GADL1: variants seen among roughly 807,000 people sequenced by gnomAD.
GADL1 encodes GAD like acidic amino acid decarboxylase 1.
A neutral mutation model predicts 69.5 loss-of-function variants in GADL1; 71 were observed. The ratio of observed to expected loss-of-function variants is 1.02; its 90% CI spans 0.84 to 1.25. The LOEUF is 1.25. Ranked by LOEUF, GADL1 falls within the 50% of genes most tolerant of loss-of-function variation. The pLI is 0.00. For missense variants in GADL1, 737 were observed against 631.8 expected, an observed-to-expected ratio of 1.17 and a Z score of -1.79; for synonymous variants, 254 against 214.4, an observed-to-expected ratio of 1.18 and a Z score of -1.62.
At chr3:30,856,830 A>G (rs1362053501) in intron 3 of GADL1, among the ~76,000 whole-genome samples, 185 bp downstream of exon 3, 2 of 152,006 alleles carry the variant, frequency 1.3e-5, no homozygotes, top group Non-Finnish European at 2.9e-5. Flanking sequence ...CTGTCAACTT[A>G]TCTTTGGCCT....
intron 9 of GADL1, among the ~76,000 whole-genome samples, chr3:30,837,375 G>T (rs7626348): frequency 2.0e-5 from 3 of 151,846 alleles, no homozygotes; most frequent in African/African-American, 7.3e-5. Flanking sequence ...AGCCAGATAG[G>T]CTTGTGTCAA....
intron 13 of GADL1, among the ~76,000 whole-genome samples, chr3:30,784,530 A>G (rs1356904171): frequency 6.6e-6 from 1 of 152,192 alleles, no homozygotes; most frequent in Non-Finnish European, 1.5e-5. Context: ...GGAAGCTTAG[A>G]ACTTTCTAGT....
intron 14 of GADL1, among the ~76,000 whole-genome samples, chr3:30,767,484 A>C (rs1696309283): frequency 6.6e-6 from 1 of 152,144 alleles, no homozygotes; most frequent in African/African-American, 2.4e-5. Flanking sequence ...ATAAGACCCC[A>C]TAATAAAGTG....
chr3:30,860,564 A>G (rs1326206749), intron 2 of GADL1, among the ~76,000 whole-genome samples: 2 of 152,008 alleles, frequency 1.3e-5, no homozygotes, highest in Non-Finnish European at 2.9e-5. Context: ...TTCCAAATTC[A>G]TGCATCAATC....
chr3:30,856,184 C>A (rs901184946), intron 3 of GADL1, among the ~76,000 whole-genome samples: 6 of 151,998 alleles, frequency 3.9e-5, no homozygotes, highest in African/African-American at 1.4e-4. Context: ...TTATTTTTAG[C>A]CAGAATTTTA....
At chr3:30,794,801 C>G (rs1395092142) in intron 12 of GADL1, among the ~76,000 whole-genome samples, 1 of 152,168 alleles carries the variant, frequency 6.6e-6, no homozygotes, top group Non-Finnish European at 1.5e-5. Context: ...AGAGGGCTAT[C>G]TGATCGGTGC....
intron 11 of GADL1, among the ~76,000 whole-genome samples, chr3:30,803,707 GGGA>G (rs1266203192): frequency 6.6e-6 from 1 of 152,130 alleles, no homozygotes; most frequent in Admixed American, 6.5e-5. Flanking sequence ...CTGGAGGCTT[GGGA>G]TTTACTTTAT....
intron 14 of GADL1, among the ~76,000 whole-genome samples, chr3:30,754,383 C>A (rs1028652394): frequency 7.9e-5 from 12 of 152,022 alleles, no homozygotes; most frequent in African/African-American, 2.7e-4. Context: ...TATGTTGGGG[C>A]TACATTCTGA....
intron 13 of GADL1, among the ~76,000 whole-genome samples, chr3:30,785,233 A>AT: frequency 6.6e-6 from 1 of 151,934 alleles, no homozygotes; most frequent in South Asian, 2.1e-4. Flanking sequence ...AATTTGCTTA[A>AT]TTAGTGCCTT....
intron 1 of GADL1, among the ~76,000 whole-genome samples, chr3:30,874,598 C>T (rs1391784820): frequency 6.6e-6 from 1 of 151,930 alleles, no homozygotes; most frequent in African/African-American, 2.4e-5. Flanking sequence ...TGCTTGAAGC[C>T]TGTGTAACCC....
At chr3:30,850,998 G>T (rs1698138147) in intron 4 of GADL1, 57 bp from the exon 5 acceptor site, 1 of 1,044,344 alleles carries the variant, frequency 9.6e-7, no homozygotes, top group Non-Finnish European at 1.4e-6. Flanking sequence ...CATTCCTTTG[G>T]TGTCCCAAGA....
Position 30,864,623 on chromosome 3 carries a change from C to G in GADL1, c.38-2858G>C, listed in dbSNP as rs143687813. 2.5e-4 allele frequency among the ~76,000 whole-genome samples: 38 copies of G among 152,008 alleles called. No individual in the cohort carries two copies. In the East Asian group the frequency reaches 7.2e-3, roughly 29 times the overall value. ...ATGTGATAATGTGCCTCTTTCTCCCCCAGCATTTGTCCAGGTCAGAAAAGG... is the reference window on the plus strand; with the variant it reads ...ATGTGATAATGTGCCTCTTTCTCCCGCAGCATTTGTCCAGGTCAGAAAAGG... On this transcript the variant is annotated intron_variant, in intron 1 of 14. Transcript: ENST00000282538.
At chr3:30,811,826 G>T (rs1002661532) in intron 11 of GADL1, among the ~76,000 whole-genome samples, 1 of 152,066 alleles carries the variant, frequency 6.6e-6, no homozygotes, top group African/African-American at 2.4e-5. Flanking sequence ...AAATAACATT[G>T]CAGGGTTCCT....
intron 1 of GADL1, among the ~76,000 whole-genome samples, chr3:30,892,247 A>G (rs1045935124): frequency 4.6e-5 from 7 of 152,234 alleles, no homozygotes; most frequent in African/African-American, 1.2e-4. Flanking sequence ...AGGATTCCCT[A>G]TGGTATTCTT....
chr3:30,858,774 T>C (rs185634586), intron 2 of GADL1, among the ~76,000 whole-genome samples: 1 of 151,938 alleles, frequency 6.6e-6, no homozygotes, highest in African/African-American at 2.4e-5. Flanking sequence ...ACTATGATAA[T>C]GTAACAGTAG....
intron 8 of GADL1, among the ~76,000 whole-genome samples, chr3:30,843,704 A>G (rs1028506603): frequency 6.6e-6 from 1 of 152,208 alleles, no homozygotes; most frequent in African/African-American, 2.4e-5. Context: ...TCACTGAACT[A>G]CTAGATACAG....
intron 5 of GADL1, 36 bp from the exon 6 acceptor site, chr3:30,850,147 A>G (rs765501232): frequency 1.5e-4 from 173 of 1,152,482 alleles, no homozygotes; most frequent in Admixed American, 4.2e-4. Context: ...TATTTATAGC[A>G]TGAAGTTATA....
At chr3:30,764,776 G>A (rs767505967) in intron 14 of GADL1, among the ~76,000 whole-genome samples, 7 of 152,098 alleles carry the variant, frequency 4.6e-5, no homozygotes, top group Middle Eastern at 3.2e-3. Context: ...CTTCAGTGTC[G>A]GCTCACCCCA....
chr3:30,844,983 A>T (rs1397657218), intron 6 of GADL1, among the ~76,000 whole-genome samples: 52 of 152,174 alleles, frequency 3.4e-4, no homozygotes, highest in African/African-American at 1.2e-3. Flanking sequence ...AGGAGAGGGC[A>T]AGACTCTATC....
Sources: allele counts gnomAD v4.1 joint callset (sites outside exome capture counted in the v4.1 genomes callset), GRCh38; gene constraint gnomAD v4.1.1; transcripts MANE v1.5; gene names NCBI Gene and HGNC (gene_info 2026-07-23, HGNC 2026-07-21).